Variants in LRP1B observed in about 807,000 individuals in gnomAD.
LRP1B encodes LDL receptor related protein 1B.
A neutral mutation model predicts 556.6 loss-of-function variants in LRP1B; 217 were observed. The ratio of observed to expected loss-of-function variants is 0.39; its 90% CI spans 0.35 to 0.44. LRP1B has a LOEUF of 0.44. LRP1B is among the 20% of genes least tolerant of loss of function. LRP1B has a pLI of 1.00. For synonymous variants in LRP1B, 2,047 were observed against 1,865.8 expected (o/e 1.10, Z -2.50); for missense variants, 5,053 against 5,620.8 (o/e 0.90, Z 3.23).
chr2:141,344,171 G>A (rs1412025385), intron 3 of LRP1B, among the ~76,000 whole-genome samples: 1 of 152,078 alleles, frequency 6.6e-6, no homozygotes, highest in Non-Finnish European at 1.5e-5. Flanking sequence ...TCTCATCTCT[G>A]TCATGTCCCC....
intron 1 of LRP1B, among the ~76,000 whole-genome samples, chr2:141,826,287 A>G (rs952376955): frequency 6.6e-6 from 1 of 151,576 alleles, no homozygotes; most frequent in East Asian, 1.9e-4. Context: ...TGGTAAATAC[A>G]GTTCTATATA....
chr2:140,278,736 C>G (rs1009224503), intron 84 of LRP1B, among the ~76,000 whole-genome samples: 8 of 151,790 alleles, frequency 5.3e-5, no homozygotes, highest in Non-Finnish European at 8.8e-5. Flanking sequence ...GCCATTTTTT[C>G]CCCTCTAAAA....
intron 7 of LRP1B, among the ~76,000 whole-genome samples, chr2:141,155,783 A>G (rs1259507350): frequency 6.6e-6 from 1 of 152,208 alleles, no homozygotes; most frequent in Non-Finnish European, 1.5e-5. Context: ...ATTATGTGAT[A>G]CAATTTTAAA....
At chr2:140,806,416 C>T (rs1166473241) in intron 32 of LRP1B, among the ~76,000 whole-genome samples, 1 of 152,004 alleles carries the variant, frequency 6.6e-6, no homozygotes, top group Non-Finnish European at 1.5e-5. Context: ...TAAAACAACA[C>T]AACAACAAAA....
chr2:141,051,555 T>C (rs1314913374), intron 10 of LRP1B, among the ~76,000 whole-genome samples: 1 of 151,798 alleles, frequency 6.6e-6, no homozygotes, highest in East Asian at 2.0e-4. Flanking sequence ...ATATAAAGAA[T>C]AAAAATAAAA....
intron 66 of LRP1B, among the ~76,000 whole-genome samples, chr2:140,393,893 G>T (rs1684135746): frequency 6.6e-6 from 1 of 152,094 alleles, no homozygotes; most frequent in South Asian, 2.1e-4. Flanking sequence ...CTTTTATAGA[G>T]AAGTCATTAT....
intron 2 of LRP1B, among the ~76,000 whole-genome samples, chr2:141,580,674 T>C (rs1036454944): frequency 2.6e-5 from 4 of 152,332 alleles, no homozygotes; most frequent in Admixed American, 2.0e-4. Flanking sequence ...ACAAAAATCA[T>C]TTCTTCTGTT....
intron 2 of LRP1B, among the ~76,000 whole-genome samples, chr2:141,598,198 T>G (rs1170005598): frequency 1.3e-5 from 2 of 152,010 alleles, no homozygotes; most frequent in African/African-American, 4.8e-5. Context: ...ATCATAAAGG[T>G]AGACTATGAA....
At chr2:141,758,507 T>A (rs1317040503) in intron 2 of LRP1B, among the ~76,000 whole-genome samples, 1 of 152,090 alleles carries the variant, frequency 6.6e-6, no homozygotes, top group Non-Finnish European at 1.5e-5. Flanking sequence ...CAAAGTATTA[T>A]GAATAATACA....
chr2:141,063,063 A>G (rs573967489), intron 7 of LRP1B, among the ~76,000 whole-genome samples: 1 of 151,968 alleles, frequency 6.6e-6, no homozygotes, highest in Admixed American at 6.6e-5. Context: ...TATGTTTAGT[A>G]AACACAAATC....
intron 41 of LRP1B, among the ~76,000 whole-genome samples, chr2:140,672,482 T>TAAAAAAAAAAAAAAAAA (rs55884730): frequency 2.3e-4 from 19 of 81,580 alleles, no homozygotes; most frequent in African/African-American, 1.0e-3. Flanking sequence ...AGACTCCATC[T>TAAAAAAAAAAAAAAAAA]AAAAAAAAAA....
chr2:140,371,038 G>A, intron 70 of LRP1B, 141 bp downstream of exon 70: 1 of 786,788 alleles, frequency 1.3e-6, no homozygotes, highest in Non-Finnish European at 2.0e-6. Flanking sequence ...GGTATTTGCT[G>A]AAATGATTGC....
At chr2:141,760,759 A>G (rs756811470) in intron 2 of LRP1B, among the ~76,000 whole-genome samples, 37 of 152,212 alleles carry the variant, frequency 2.4e-4, no homozygotes, top group Non-Finnish European at 4.6e-4. Context: ...CTCAAAGAAA[A>G]TCAACACAGT....
chr2:141,274,699 G>A (rs934645922), intron 3 of LRP1B, among the ~76,000 whole-genome samples: 3 of 151,824 alleles, frequency 2.0e-5, no homozygotes, highest in Non-Finnish European at 4.4e-5. Flanking sequence ...TAAATTGTAT[G>A]GTATGTAAAT....
At chr2:140,817,138 T>A (rs985333101) in intron 31 of LRP1B, among the ~76,000 whole-genome samples, 1 of 152,136 alleles carries the variant, frequency 6.6e-6, no homozygotes, top group Admixed American at 6.5e-5. Context: ...TATGTCTGTA[T>A]GAAAGGATCC....
intron 60 of LRP1B, among the ~76,000 whole-genome samples, chr2:140,460,347 A>C (rs1687266678): frequency 1.3e-5 from 2 of 152,184 alleles, no homozygotes; most frequent in Non-Finnish European, 2.9e-5. Context: ...CATAGCAACA[A>C]AAACCAGACT....
At chr2:140,984,906 T>C (rs1404847030) in intron 17 of LRP1B, among the ~76,000 whole-genome samples, 1 of 152,136 alleles carries the variant, frequency 6.6e-6, no homozygotes, top group Admixed American at 6.6e-5. Flanking sequence ...TATGATATAA[T>C]CAAGTTGACT....
intron 1 of LRP1B, among the ~76,000 whole-genome samples, chr2:142,010,170 C>CT (rs1441567325): frequency 6.6e-6 from 1 of 152,006 alleles, no homozygotes; most frequent in African/African-American, 2.4e-5. Flanking sequence ...GTGACAGGTA[C>CT]TGAGTACAGG....
chr2:140,905,771 T>A (rs571537867), intron 22 of LRP1B, among the ~76,000 whole-genome samples: 136 of 152,230 alleles, frequency 8.9e-4, no homozygotes, highest in African/African-American at 3.2e-3. Context: ...CAGTTCACAG[T>A]GGACTATCAC....
Sources: gnomAD v4.1 joint callset for allele counts (sites outside exome capture counted in the v4.1 genomes callset) on GRCh38, gnomAD v4.1.1 for gene constraint, MANE v1.5 for transcripts, NCBI Gene and HGNC (gene_info 2026-07-23, HGNC 2026-07-21) for gene names.